ACAP2: variants seen among roughly 807,000 people sequenced by gnomAD.
The protein encoded by ACAP2 is ArfGAP with coiled-coil, ankyrin repeat and PH domains 2, also known as arf-GAP with coiled-coil, ANK repeat and PH domain-containing protein 2.
Under a neutral mutation model 115.8 loss-of-function variants are expected in ACAP2, and 39 were observed. That is an observed-to-expected ratio of 0.34 (90% confidence interval 0.26 to 0.44). The LOEUF (loss-of-function observed/expected upper bound fraction) is 0.44. Among genes scored for constraint, ACAP2 ranks in the 20% least tolerant of loss-of-function variants. The pLI, the probability that ACAP2 is intolerant of heterozygous loss-of-function variation, is 1.00. For missense variants in ACAP2, 662 were observed against 927.6 expected (o/e 0.71, Z 3.72); for synonymous variants, 289 against 315.8 (o/e 0.92, Z 0.90).
intron 4 of ACAP2, among the ~76,000 whole-genome samples, chr3:195,369,094 CAAAAAAAAA>C (rs10540801): frequency 9.0e-6 from 1 of 111,470 alleles, no homozygotes; most frequent in Non-Finnish European, 2.1e-5. Context: ...CAAAAACAAA[CAAAAAAAAA>C]AAAAAGAGGA....
chr3:195,292,550 G>A, intron 18 of ACAP2, 98 bp from the exon 19 acceptor site: 1 of 1,143,616 alleles, frequency 8.7e-7, no homozygotes, highest in Non-Finnish European at 1.2e-6. Flanking sequence ...AAGATAAAAA[G>A]AGTTCTGTGG....
chr3:195,291,572 C>A (rs530767144), intron 20 of ACAP2, 134 bp downstream of exon 20: 4 of 581,158 alleles, frequency 6.9e-6, no homozygotes, highest in Middle Eastern at 4.2e-4. Flanking sequence ...CAAATTCCAT[C>A]GTGACAAAAT....
chr3:195,378,170 A>G (rs1733692426), intron 4 of ACAP2, among the ~76,000 whole-genome samples: 1 of 151,744 alleles, frequency 6.6e-6, no homozygotes, highest in Non-Finnish European at 1.5e-5. Flanking sequence ...ATGTAGGTGC[A>G]CATTAAGATT....
chr3:195,291,646 C>T (rs1727261016), intron 20 of ACAP2, 60 bp downstream of exon 20: 2 of 1,434,062 alleles, frequency 1.4e-6, no homozygotes, highest in East Asian at 4.8e-5. Flanking sequence ...AAAACTAAAA[C>T]ATTAATTCAA....
chr3:195,288,468 T>C (rs559790227), intron 21 of ACAP2, among the ~76,000 whole-genome samples: 4 of 152,144 alleles, frequency 2.6e-5, no homozygotes, highest in Admixed American at 6.5e-5. Flanking sequence ...GCAAGTACAG[T>C]TGGCCGCTGT....
intron 1 of ACAP2, among the ~76,000 whole-genome samples, chr3:195,414,002 A>T (rs1382706090): frequency 2.6e-5 from 4 of 152,098 alleles, no homozygotes; most frequent in Admixed American, 2.6e-4. Context: ...AAAGAAAGAA[A>T]AAGAAAAAAA....
intron 2 of ACAP2, among the ~76,000 whole-genome samples, chr3:195,385,344 ATTG>A (rs1311268230): frequency 6.8e-6 from 1 of 148,068 alleles, no homozygotes; most frequent in Admixed American, 6.9e-5. Flanking sequence ...AGGTTTTCCT[ATTG>A]TTGTTTGCTT....
chr3:195,332,091 G>A (rs573739178), intron 8 of ACAP2, among the ~76,000 whole-genome samples: 37 of 144,336 alleles, frequency 2.6e-4, no homozygotes, highest in African/African-American at 8.3e-4. Context: ...CCGAGATCCC[G>A]CCACTGCACT....
At chr3:195,439,549 T>C (rs1254990944) in intron 1 of ACAP2, among the ~76,000 whole-genome samples, 1 of 152,218 alleles carries the variant, frequency 6.6e-6, no homozygotes, top group Non-Finnish European at 1.5e-5. Context: ...ATTTATTCAA[T>C]TTATTTATTC....
intron 10 of ACAP2, among the ~76,000 whole-genome samples, chr3:195,316,394 A>G (rs1277828264): frequency 6.6e-6 from 1 of 151,758 alleles, no homozygotes; most frequent in Non-Finnish European, 1.5e-5. Flanking sequence ...TCTTATGTTT[A>G]TTTATTTATT....
chr3:195,385,176 G>C (rs1339330658), intron 2 of ACAP2, among the ~76,000 whole-genome samples: 3 of 151,760 alleles, frequency 2.0e-5, no homozygotes, highest in African/African-American at 7.2e-5. Context: ...ACTTTGGGAG[G>C]CCAAGATGGG....
At chr3:195,301,011 G>A (rs1728012431) in intron 15 of ACAP2, among the ~76,000 whole-genome samples, 2 of 152,164 alleles carry the variant, frequency 1.3e-5, no homozygotes, top group South Asian at 4.1e-4. Context: ...CGAAGACCTT[G>A]TCTCAAGGAA....
intron 10 of ACAP2, among the ~76,000 whole-genome samples, chr3:195,311,389 G>A (rs375345915): frequency 5.3e-5 from 8 of 151,976 alleles, no homozygotes; most frequent in East Asian, 1.9e-4. Context: ...GAGCCACCAC[G>A]CCCGGCCCTA....
intron 9 of ACAP2, among the ~76,000 whole-genome samples, chr3:195,322,318 C>T (rs747027463): frequency 1.3e-4 from 20 of 152,110 alleles, no homozygotes; most frequent in Admixed American, 5.2e-4. Flanking sequence ...GAGCAGTAAA[C>T]GTCCTGTCTT....
At chr3:195,374,246 C>T (rs1276334684) in intron 4 of ACAP2, among the ~76,000 whole-genome samples, 1 of 152,022 alleles carries the variant, frequency 6.6e-6, no homozygotes, top group Non-Finnish European at 1.5e-5. Context: ...TAAAATTAGC[C>T]AGGCGTGGTG....
intron 20 of ACAP2, among the ~76,000 whole-genome samples, chr3:195,289,735 G>A (rs1727113599): frequency 6.7e-6 from 1 of 148,464 alleles, no homozygotes; most frequent in African/African-American, 2.5e-5. Flanking sequence ...GAACCCGGGA[G>A]GCGGAGCTTG....
chr3:195,412,217 G>C (rs1713331776), intron 1 of ACAP2, among the ~76,000 whole-genome samples: 1 of 141,416 alleles, frequency 7.1e-6, no homozygotes, highest in Admixed American at 7.1e-5. Context: ...TGAGTAAATT[G>C]CAAAAAATAA....
At chr3:195,307,362 AG>A in intron 11 of ACAP2, 39 bp from the exon 12 acceptor site, 1 of 1,264,838 alleles carries the variant, frequency 7.9e-7, no homozygotes, top group Non-Finnish European at 1.1e-6. Context: ...TTTTCCACTT[AG>A]GTTTTAATAC....
intron 13 of ACAP2, among the ~76,000 whole-genome samples, chr3:195,303,645 T>C (rs1394126491): frequency 6.6e-6 from 1 of 152,148 alleles, no homozygotes; most frequent in Admixed American, 6.5e-5. Flanking sequence ...GGTAAGCACC[T>C]GTGGTCCCAG....
Sources: gnomAD v4.1 joint callset for allele counts (sites outside exome capture counted in the v4.1 genomes callset) on GRCh38, gnomAD v4.1.1 for gene constraint, MANE v1.5 for transcripts, NCBI Gene and HGNC (gene_info 2026-07-23, HGNC 2026-07-21) for gene names.